The following PPM1L variants were observed in gnomAD, a reference collection of about 807,000 sequenced individuals.
PPM1L encodes protein phosphatase 1L.
Under a neutral mutation model 31.4 loss-of-function variants are expected in PPM1L, and 13 were observed. The ratio of observed to expected loss-of-function variants is 0.41; its 90% CI spans 0.27 to 0.66. The LOEUF is 0.66. Ranked by LOEUF, PPM1L falls within the 30% of genes least tolerant of loss-of-function variation. PPM1L has a pLI of 0.29. For missense variants in PPM1L, 326 were observed against 453.7 expected (o/e 0.72, Z 2.56); for synonymous variants, 184 against 175.4 (o/e 1.05, Z -0.39).
chr3:160,820,298 T>A (rs1195801609), intron 1 of PPM1L, among the ~76,000 whole-genome samples: 1 of 152,138 alleles, frequency 6.6e-6, no homozygotes, highest in Non-Finnish European at 1.5e-5. Flanking sequence ...GCTTTCATGC[T>A]TTCAACATGT....
intron 1 of PPM1L, among the ~76,000 whole-genome samples, chr3:160,860,309 G>A (rs1196969113): frequency 6.6e-6 from 1 of 152,112 alleles, no homozygotes; most frequent in Admixed American, 6.5e-5. Flanking sequence ...GACTCACCTT[G>A]TAGATTCTAA....
At chr3:160,935,302 G>A (rs906042136) in intron 1 of PPM1L, among the ~76,000 whole-genome samples, 1 of 152,184 alleles carries the variant, frequency 6.6e-6, no homozygotes, top group Non-Finnish European at 1.5e-5. Context: ...ATTCTGATCT[G>A]TTGCTCTTAT....
chr3:160,783,930 A>T lies in PPM1L; in HGVS notation c.399+27223A>T, dbSNP rs148492911. Among the ~76,000 whole-genome samples the T allele has an allele frequency of 2.2e-3, 337 of 152,326 alleles. 1 individual carries two copies. Among genetic ancestry groups the T allele is most frequent in the African/African-American group, 7.7e-3 (321 of 41,584 alleles). On this transcript the variant is annotated intron_variant, in intron 1 of 3. Transcript: ENST00000498165. ...GGCTCTAGTAGTAAGATTTTTGAAG[A>T]TACCAAAAAAGTGATTTTGAAGAGA...
At chr3:160,776,231 A>G (rs959837243) in intron 1 of PPM1L, among the ~76,000 whole-genome samples, 1 of 152,204 alleles carries the variant, frequency 6.6e-6, no homozygotes, top group Non-Finnish European at 1.5e-5. Flanking sequence ...TCATATTGAA[A>G]ATTAGAGTAA....
chr3:160,773,420 A>G (rs1420992381), intron 1 of PPM1L, among the ~76,000 whole-genome samples: 4 of 152,052 alleles, frequency 2.6e-5, no homozygotes, highest in African/African-American at 7.3e-5. Flanking sequence ...GATTGGCCTG[A>G]CTCTCTCTTA....
intron 2 of PPM1L, among the ~76,000 whole-genome samples, chr3:161,032,369 G>A (rs1718596776): frequency 6.6e-6 from 1 of 152,170 alleles, no homozygotes; most frequent in Non-Finnish European, 1.5e-5. Context: ...CATAAATGGA[G>A]TTGCTCATCA....
intron 2 of PPM1L, among the ~76,000 whole-genome samples, chr3:160,987,725 C>T (rs1717009233): frequency 6.6e-6 from 1 of 152,212 alleles, no homozygotes; most frequent in South Asian, 2.1e-4. Context: ...AGGACTTATT[C>T]TTCCTCTCCT....
intron 1 of PPM1L, among the ~76,000 whole-genome samples, chr3:160,770,722 T>C (rs1715229413): frequency 6.6e-6 from 1 of 152,192 alleles, no homozygotes; most frequent in Non-Finnish European, 1.5e-5. Flanking sequence ...CCAGATATGC[T>C]CAGGAATCCT....
rs1490812014 is a variant in PPM1L at position 161,068,802 on chromosome 3, T to A, written c.737-9T>A. ...TGGTCAAACTAATGGGCTCATCCTG[T>A]CTTTCTAGGTGGTTTCATCAGTTTC... On this transcript the variant is annotated splice_polypyrimidine_tract_variant and intron_variant, in intron 3 of 3. Transcript: ENST00000498165. The A allele has an allele frequency of 6.3e-7, 1 of 1,599,396 alleles. No homozygotes were observed. Among genetic ancestry groups the A allele is most frequent in the Non-Finnish European group, 8.5e-7 (1 of 1,172,634 alleles).
At chr3:160,800,325 CAG>C (rs1712384707) in intron 1 of PPM1L, among the ~76,000 whole-genome samples, 1 of 152,120 alleles carries the variant, frequency 6.6e-6, no homozygotes, top group Non-Finnish European at 1.5e-5. Flanking sequence ...ATTGGGAAAA[CAG>C]GGAGAGACCT....
chr3:160,870,965 A>C (rs1368736776), intron 1 of PPM1L, among the ~76,000 whole-genome samples: 5 of 152,168 alleles, frequency 3.3e-5, no homozygotes, highest in Non-Finnish European at 7.3e-5. Context: ...TATTGAGCAC[A>C]TCTCTGTAAT....
intron 2 of PPM1L, among the ~76,000 whole-genome samples, chr3:160,979,189 A>G (rs539779496): frequency 9.9e-5 from 15 of 152,198 alleles, no homozygotes; most frequent in African/African-American, 3.4e-4. Context: ...GGTGAGATGT[A>G]ACATTCAAAT....
intron 2 of PPM1L, among the ~76,000 whole-genome samples, chr3:160,981,273 T>C (rs936181062): frequency 1.3e-5 from 2 of 152,220 alleles, no homozygotes; most frequent in African/African-American, 2.4e-5. Flanking sequence ...GGTTCTCTCA[T>C]GTAGTTGCAT....
chr3:160,849,545 C>T (rs1240479249), intron 1 of PPM1L, among the ~76,000 whole-genome samples: 15 of 152,074 alleles, frequency 9.9e-5, no homozygotes, highest in Admixed American at 5.2e-4. Context: ...CTCAGCCTCC[C>T]GAGTAGCTGG....
intron 1 of PPM1L, among the ~76,000 whole-genome samples, chr3:160,814,697 A>T (rs1414393021): frequency 1.0e-5 from 1 of 99,006 alleles, no homozygotes; most frequent in African/African-American, 9.3e-5. Flanking sequence ...TACCATACGT[A>T]TATGTGTATA....
chr3:160,819,479 C>T (rs1713126328), intron 1 of PPM1L, among the ~76,000 whole-genome samples: 1 of 151,980 alleles, frequency 6.6e-6, no homozygotes, highest in African/African-American at 2.4e-5. Flanking sequence ...GTAACAGTTT[C>T]CATTTATTGA....
chr3:160,799,838 C>T (rs1258695071), intron 1 of PPM1L, among the ~76,000 whole-genome samples: 1 of 152,212 alleles, frequency 6.6e-6, no homozygotes, highest in Non-Finnish European at 1.5e-5. Flanking sequence ...TACTTCCCAA[C>T]ACCTTACTGT....
rs532379278 is a variant in PPM1L, at chr3:160,803,527, C to T, written c.399+46820C>T. Among the ~76,000 whole-genome samples the T allele has an allele frequency of 2.7e-5, 3 of 112,308 alleles. No homozygotes were observed. In the South Asian group the frequency reaches 8.1e-4, roughly 30 times the overall value. The allele number at this position is 112,308 out of a possible 152,430, so 73.7% of individuals were successfully genotyped here. A position where few individuals can be genotyped will look rare whatever the true frequency, so the allele number is the denominator to read the frequency against. On this transcript the variant is annotated intron_variant, in intron 1 of 3. Transcript: ENST00000498165. ...GAAATGTCATATTTTAGAGAGATCA[C>T]TGGTAATTTTTGCACAAATAATTTC...
chr3:161,005,725 T>C (rs1717682305), intron 2 of PPM1L, among the ~76,000 whole-genome samples: 1 of 152,166 alleles, frequency 6.6e-6, no homozygotes, highest in Non-Finnish European at 1.5e-5. Flanking sequence ...TGAAACACAA[T>C]ATAAGTTTTC....
Sources: allele counts gnomAD v4.1 joint callset (sites outside exome capture counted in the v4.1 genomes callset), GRCh38; gene constraint gnomAD v4.1.1; transcripts MANE v1.5; gene names NCBI Gene and HGNC (gene_info 2026-07-23, HGNC 2026-07-21).